Variants in SHROOM4 observed in about 807,000 individuals in gnomAD.
The protein encoded by SHROOM4 is protein Shroom4.
In SHROOM4, 17 loss-of-function variants were observed where a neutral mutation model predicts 80.3. The ratio of observed to expected loss-of-function variants is 0.21; its 90% CI spans 0.14 to 0.32. The LOEUF is 0.32. Among genes scored for constraint, SHROOM4 ranks in the 10% least tolerant of loss-of-function variants. SHROOM4 has a pLI of 1.00. For synonymous variants in SHROOM4, 400 were observed against 437.5 expected (o/e 0.91, Z 1.07); for missense variants, 993 against 1,140.3 (o/e 0.87, Z 1.86).
intron 2 of SHROOM4, among the ~76,000 whole-genome samples, chrX:50,651,736 C>T (rs1219342043): frequency 2.7e-5 from 3 of 109,678 alleles, no homozygotes; most frequent in African/African-American, 1.0e-4. Flanking sequence ...TCCCCTAGCC[C>T]CTTAACCCCC....
At chrX:50,580,276 A>G in the SHROOM4 span, among the ~76,000 whole-genome samples, 22 of 112,205 alleles carry the variant, frequency 2.0e-4, 1 homozygote, top group Admixed American at 2.0e-3. Flanking sequence ...CCCCAATCCC[A>G]TATTTGCTGA....
intron 2 of SHROOM4, among the ~76,000 whole-genome samples, chrX:50,664,946 C>A (rs996042943): frequency 2.7e-5 from 3 of 110,214 alleles, no homozygotes; most frequent in Admixed American, 9.7e-5. Context: ...CACACACACA[C>A]ACACACACTT....
At chrX:50,765,110 G>GCAAT (rs1200256423) in intron 1 of SHROOM4, among the ~76,000 whole-genome samples, 1 of 111,604 alleles carries the variant, frequency 9.0e-6, no homozygotes, top group Non-Finnish European at 1.9e-5. Flanking sequence ...ATGACACATG[G>GCAAT]CAATTATGGG....
rs1557247900 is a variant in SHROOM4, at chrX:50,602,770, T to C, written c.3805A>G (p.Ile1269Val). 8.3e-7 allele frequency: 1 copy of C among 1,209,293 alleles called. No homozygotes were observed. Among genetic ancestry groups the C allele is most frequent in the African/African-American group, 1.8e-5 (1 of 56,964 alleles). ...HFSPPSGAPG[I>V]PTSYSAYYNI... ...TAATAAGCTGAGTAAGAGGTAGGGATTCCTGGGGCCCCTGAAGGAGGCGAA... is the reference window on the plus strand; with the variant it reads ...TAATAAGCTGAGTAAGAGGTAGGGACTCCTGGGGCCCCTGAAGGAGGCGAA... Residue 1269 changes from isoleucine to valine, a missense_variant, in exon 7 of 9, where the codon ATC becomes GTC. By Grantham distance (29) the Ile-to-Val change is conservative (BLOSUM62 3). Coordinates refer to ENST00000376020, the MANE Select transcript of SHROOM4 (RefSeq NM_020717.5).
intron 2 of SHROOM4, among the ~76,000 whole-genome samples, chrX:50,641,802 G>A: frequency 9.0e-6 from 1 of 111,728 alleles, no homozygotes; most frequent in East Asian, 2.8e-4. Context: ...AGTAGAGATG[G>A]GGTTTCACCA....
intron 1 of SHROOM4, among the ~76,000 whole-genome samples, chrX:50,740,487 A>T (rs1246028580): frequency 1.8e-5 from 2 of 111,835 alleles, no homozygotes; most frequent in African/African-American, 6.5e-5. Flanking sequence ...TAGGCAACTC[A>T]ACAATGATAG....
chrX:50,657,096 G>A (rs918047438), intron 2 of SHROOM4, among the ~76,000 whole-genome samples: 2 of 110,921 alleles, frequency 1.8e-5, no homozygotes, highest in Non-Finnish European at 3.8e-5. Flanking sequence ...GATTTTTACA[G>A]GGTAACTTTG....
rs887549086 is a variant in SHROOM4 at position 50,593,238 on chromosome X, T to C, written c.*3457A>G. 1 of 112,300 alleles carries C rather than the reference T, an allele frequency of 8.9e-6. No homozygotes were observed. The highest frequency in any genetic ancestry group is 1.9e-5 in the Non-Finnish European group (1 of 53,215). 9.3% of individuals were successfully genotyped at this position (112,300 alleles called of 1,213,427 possible). On this transcript the variant is annotated 3_prime_UTR_variant, in exon 9 of 9. Coordinates refer to ENST00000376020, the MANE Select transcript of SHROOM4 (RefSeq NM_020717.5). ...TCATATGTTTATCTGTGAAGGACTA[T>C]GGATAGGTGACCAAATTCCTTTCCA...
intron 2 of SHROOM4, among the ~76,000 whole-genome samples, chrX:50,678,695 T>C (rs1557261545): frequency 9.0e-6 from 1 of 111,519 alleles, no homozygotes; most frequent in Non-Finnish European, 1.9e-5. Flanking sequence ...CAGAAGAACA[T>C]CTTAGAAGAT....
intron 1 of SHROOM4, among the ~76,000 whole-genome samples, chrX:50,723,385 C>CG (rs1934170214): frequency 6.6e-4 from 4 of 6,077 alleles, no homozygotes; most frequent in Non-Finnish European, 1.1e-3. Context: ...AGGGAGGGAG[C>CG]AAGGGAGGGA....
At chrX:50,788,128 ATATGT>A (rs1557271236) in intron 1 of SHROOM4, among the ~76,000 whole-genome samples, 1 of 112,066 alleles carries the variant, frequency 8.9e-6, no homozygotes, top group African/African-American at 3.2e-5. Flanking sequence ...TAAATATAAA[ATATGT>A]TAATGTTAAT....
chrX:50,658,058 T>C (rs1481934539), intron 2 of SHROOM4, among the ~76,000 whole-genome samples: 3 of 111,799 alleles, frequency 2.7e-5, no homozygotes, highest in Non-Finnish European at 5.7e-5. Context: ...TTTTTCCCCT[T>C]TGCTTTCCTT....
chrX:50,610,180 T>G (rs1328100879), intron 5 of SHROOM4, among the ~76,000 whole-genome samples: 1 of 111,798 alleles, frequency 8.9e-6, no homozygotes, highest in African/African-American at 3.3e-5. Flanking sequence ...AATTCTCCTC[T>G]TATCCCTCCC....
chrX:50,599,133 C>A (rs1018465562), intron 7 of SHROOM4, among the ~76,000 whole-genome samples: 1 of 110,506 alleles, frequency 9.0e-6, no homozygotes, highest in African/African-American at 3.3e-5. Flanking sequence ...CAGGTGTGAG[C>A]CTCTGCACCC....
intron 1 of SHROOM4, among the ~76,000 whole-genome samples, chrX:50,727,839 C>T (rs1162177939): frequency 6.2e-5 from 7 of 112,005 alleles, no homozygotes; most frequent in African/African-American, 2.3e-4. Flanking sequence ...AGAAACAGGC[C>T]GCTCTTGCTA....
At chrX:50,707,554 T>C (rs1184368791) in intron 1 of SHROOM4, among the ~76,000 whole-genome samples, 6 of 111,642 alleles carry the variant, frequency 5.4e-5, no homozygotes, top group African/African-American at 2.0e-4. Flanking sequence ...CAGAGTTTAA[T>C]GGTTCTCTGG....
intron 4 of SHROOM4, among the ~76,000 whole-genome samples, chrX:50,629,140 A>G (rs191790513): frequency 1.8e-5 from 2 of 111,234 alleles, no homozygotes; most frequent in East Asian, 5.7e-4. Context: ...GTATCACTCT[A>G]CTTTTTTTTT....
intron 5 of SHROOM4, among the ~76,000 whole-genome samples, chrX:50,617,632 C>G (rs781963091): frequency 6.7e-5 from 5 of 74,470 alleles, no homozygotes; most frequent in African/African-American, 1.6e-4. Flanking sequence ...TCCCCCCCCC[C>G]ACCCCATCCC....
At chrX:50,764,932 G>A (rs1273487636) in intron 1 of SHROOM4, among the ~76,000 whole-genome samples, 5 of 112,106 alleles carry the variant, frequency 4.5e-5, no homozygotes, top group Non-Finnish European at 9.4e-5. Flanking sequence ...GGCAGAAGGC[G>A]AAGGAGAAGC....
Sources: gnomAD v4.1 joint callset for allele counts (sites outside exome capture counted in the v4.1 genomes callset) on GRCh38, gnomAD v4.1.1 for gene constraint, MANE v1.5 for transcripts, NCBI Gene and HGNC (gene_info 2026-07-23, HGNC 2026-07-21) for gene names.